The following CPNE4 variants were observed in gnomAD, a reference collection of about 807,000 sequenced individuals.
CPNE4 encodes the protein copine-4.
CPNE4 carries 25 observed loss-of-function variants against 67.9 expected under a neutral mutation model. That is an observed-to-expected ratio of 0.37 (90% CI 0.27 to 0.51). The LOEUF (loss-of-function observed/expected upper bound fraction) is 0.51. Ranked by LOEUF, CPNE4 falls within the 20% of genes least tolerant of loss-of-function variation. CPNE4 has a pLI of 0.93. For missense variants in CPNE4, 464 were observed against 690.8 expected, an observed-to-expected ratio of 0.67 and a Z score of 3.68; for synonymous variants, 242 against 244.9, an observed-to-expected ratio of 0.99 and a Z score of 0.11.
At chr3:131,911,320 C>T (rs1265504989) in intron 1 of CPNE4, among the ~76,000 whole-genome samples, 1 of 152,110 alleles carries the variant, frequency 6.6e-6, no homozygotes. Flanking sequence ...GTAGATCATT[C>T]TCCAGTTGAA....
chr3:131,773,035 A>G (rs1263747484), intron 2 of CPNE4, among the ~76,000 whole-genome samples: 1 of 152,160 alleles, frequency 6.6e-6, no homozygotes, highest in East Asian at 1.9e-4. Flanking sequence ...AAGGGATAGA[A>G]TTAGTTAAGC....
Position 131,835,194 on chromosome 3 carries a change from T to C in CPNE4, c.180+70070A>G, listed in dbSNP as rs369508863. On this transcript the variant is annotated intron_variant, in intron 2 of 15. Coordinates refer to ENST00000429747, the MANE Select transcript of CPNE4 (RefSeq NM_130808.3). ...CTCATCTATATCTTGGTTTGTGTGC[T>C]AGAGAAGCCAGCAACTCAGACCACA... Among the ~76,000 whole-genome samples the C allele has an allele frequency of 2.2e-4, 34 of 152,280 alleles. 1 individual carries two copies. Among genetic ancestry groups the C allele is most frequent in the African/African-American group, 8.2e-4 (34 of 41,558 alleles).
chr3:131,601,513 AACCTGGTAGT>A (rs1939206386), intron 7 of CPNE4, among the ~76,000 whole-genome samples: 1 of 152,110 alleles, frequency 6.6e-6, no homozygotes, highest in African/African-American at 2.4e-5. Context: ...AGCAAATAAA[AACCTGGTAGT>A]ACCTGGTAAA....
chr3:131,780,992 T>G (rs2083420602), intron 2 of CPNE4, among the ~76,000 whole-genome samples: 1 of 151,854 alleles, frequency 6.6e-6, no homozygotes, highest in African/African-American at 2.4e-5. Flanking sequence ...GAAGTAGAGG[T>G]GGTCATGAAC....
At chr3:131,760,838 TC>T (rs2082867981) in intron 2 of CPNE4, among the ~76,000 whole-genome samples, 3 of 152,254 alleles carry the variant, frequency 2.0e-5, no homozygotes, top group Non-Finnish European at 4.4e-5. Flanking sequence ...GATGACCAGT[TC>T]TATCCTTTCT....
chr3:131,859,283 T>C (rs1583342319), intron 2 of CPNE4, among the ~76,000 whole-genome samples: 2 of 152,108 alleles, frequency 1.3e-5, no homozygotes, highest in African/African-American at 4.8e-5. Flanking sequence ...TCCATGAAGC[T>C]CCCCAAGATA....
chr3:132,039,486 T>G (rs2074380694), upstream of CPNE4: 1 of 152,252 alleles, frequency 6.6e-6, no homozygotes, highest in Non-Finnish European at 1.5e-5. Flanking sequence ...TACAAATAGC[T>G]AAATATTATT....
intron 2 of CPNE4, among the ~76,000 whole-genome samples, chr3:131,767,543 A>G (rs1304871459): frequency 6.6e-6 from 1 of 152,060 alleles, no homozygotes; most frequent in Non-Finnish European, 1.5e-5. Flanking sequence ...GAGGCTGGGG[A>G]AATAATGACC....
At chr3:132,036,761 GTC>G (rs2074346607), upstream of CPNE4, among the ~76,000 whole-genome samples, 1 of 152,154 alleles carries the variant, frequency 6.6e-6, no homozygotes, top group Admixed American at 6.6e-5. Flanking sequence ...CTAGAAAGGT[GTC>G]TACCACCTTC....
intron 2 of CPNE4, among the ~76,000 whole-genome samples, chr3:131,892,644 A>G (rs1226143827): frequency 1.3e-5 from 2 of 152,126 alleles, no homozygotes; most frequent in African/African-American, 4.8e-5. Flanking sequence ...TGACTAAGGA[A>G]CACATAATGG....
chr3:131,632,168 C>A (rs1035419546), intron 7 of CPNE4, among the ~76,000 whole-genome samples: 8 of 151,812 alleles, frequency 5.3e-5, no homozygotes, highest in African/African-American at 1.9e-4. Flanking sequence ...CACCACCATG[C>A]CTGGCTAATT....
chr3:131,713,197 T>C (rs1001251020), intron 3 of CPNE4, among the ~76,000 whole-genome samples: 1 of 152,158 alleles, frequency 6.6e-6, no homozygotes, highest in Non-Finnish European at 1.5e-5. Context: ...TGCCCTCCTC[T>C]GCACCAATAT....
Position 131,897,793 on chromosome 3 carries a change from G to C in CPNE4, c.180+7471C>G, listed in dbSNP as rs2088394604. 4.6e-5 allele frequency among the ~76,000 whole-genome samples: 7 copies of C among 152,124 alleles called. No homozygotes were observed. The South Asian group carries it at 1.5e-3, about 32-fold the overall frequency. The stretch of plus-strand genomic sequence containing the variant: ...TATAGTCCTAGCTAGTTGGGAGGTT[G>C]AGGTAGGAAGATTCTTTGATCCCAG... On this transcript the variant is annotated intron_variant, in intron 2 of 15. Transcript: ENST00000429747.
chr3:131,919,074 C>G (rs925195209), intron 1 of CPNE4, among the ~76,000 whole-genome samples: 12 of 152,128 alleles, frequency 7.9e-5, no homozygotes, highest in South Asian at 2.1e-4. Flanking sequence ...AGAGTTCCAG[C>G]TCTAGCCTGG....
At chr3:131,692,987 T>C (rs1191643910) in intron 5 of CPNE4, among the ~76,000 whole-genome samples, 1 of 152,206 alleles carries the variant, frequency 6.6e-6, no homozygotes, top group East Asian at 1.9e-4. Flanking sequence ...AAATGTGCTT[T>C]ACAAGTTAGA....
intron 2 of CPNE4, among the ~76,000 whole-genome samples, chr3:131,854,510 G>A (rs9850646): frequency 0.18 from 27,046 of 151,518 alleles, 3,033 homozygotes; most frequent in Non-Finnish European, 0.24. Context: ...TTGTGCTCCT[G>A]GACAAAATTT....
intron 6 of CPNE4, among the ~76,000 whole-genome samples, chr3:131,681,204 C>A (rs2080744636): frequency 6.6e-6 from 1 of 152,130 alleles, no homozygotes; most frequent in Admixed American, 6.6e-5. Flanking sequence ...TTATAATATT[C>A]TGTGTTTTTC....
chr3:131,681,311 G>A (rs192317759), intron 6 of CPNE4, among the ~76,000 whole-genome samples: 1 of 152,214 alleles, frequency 6.6e-6, no homozygotes, highest in African/African-American at 2.4e-5. Flanking sequence ...TTCCTTTACA[G>A]TTCTGGTGTT....
chr3:131,814,018 T>C (rs2084636746), intron 2 of CPNE4, among the ~76,000 whole-genome samples: 1 of 152,332 alleles, frequency 6.6e-6, no homozygotes, highest in South Asian at 2.1e-4. Context: ...ATCAATTTTA[T>C]ATGGTATAGG....
Sources: allele counts gnomAD v4.1 joint callset (sites outside exome capture counted in the v4.1 genomes callset), GRCh38; gene constraint gnomAD v4.1.1; transcripts MANE v1.5; gene names NCBI Gene and HGNC (gene_info 2026-07-23, HGNC 2026-07-21).